DAB1: variants seen among roughly 807,000 people sequenced by gnomAD.
DAB1 encodes disabled homolog 1.
DAB1 carries 15 observed loss-of-function variants against 64.6 expected under a neutral mutation model. The ratio of observed to expected loss-of-function variants is 0.23; its 90% confidence interval spans 0.16 to 0.36. DAB1 has a LOEUF of 0.36. Ranked by LOEUF, DAB1 falls within the 10% of genes least tolerant of loss-of-function variation. DAB1 has a pLI of 1.00. For synonymous variants in DAB1, 235 were observed against 251.9 expected (o/e 0.93, Z 0.64); for missense variants, 596 against 706.7 (o/e 0.84, Z 1.78).
chr1:58,375,706 T>C (rs1456448647), intron 3 of DAB1, among the ~76,000 whole-genome samples: 1 of 141,388 alleles, frequency 7.1e-6, no homozygotes, highest in Non-Finnish European at 1.6e-5. Flanking sequence ...TAAAATGAGT[T>C]AGGGAGGATT....
intron 1 of DAB1, among the ~76,000 whole-genome samples, chr1:57,870,908 A>C (rs2101956277): frequency 6.6e-6 from 1 of 152,312 alleles, no homozygotes; most frequent in East Asian, 1.9e-4. Flanking sequence ...AAGAGTTGAC[A>C]TTGGCAAGGA....
chr1:58,484,049 T>G (rs948332264), intron 3 of DAB1, among the ~76,000 whole-genome samples: 1 of 152,168 alleles, frequency 6.6e-6, no homozygotes, highest in African/African-American at 2.4e-5. Context: ...TCTTTGTGTA[T>G]TCAGTAAAAA....
chr1:57,702,074 T>C lies in DAB1; in HGVS notation n.552-52409A>G, dbSNP rs575645633. Among the ~76,000 whole-genome samples, 11 of 152,252 alleles carry C rather than the reference T, an allele frequency of 7.2e-5. No homozygotes were observed. The South Asian group carries it at 1.0e-3, about 14-fold the overall frequency. ...GCTGCCATTTCTTGAGGACATATGT[T>C]TATGTCTTAGCACTGATGGATTAGT... On this transcript the variant is annotated intron_variant and non_coding_transcript_variant, in intron 6 of 20. Transcript: ENST00000485760.
At chr1:57,189,254 T>G (rs748721731) in intron 2 of DAB1, among the ~76,000 whole-genome samples, 4 of 152,100 alleles carry the variant, frequency 2.6e-5, no homozygotes, top group Admixed American at 6.6e-5. Context: ...ATTTGGAAAA[T>G]CGTATCAATG....
At chr1:57,859,504 A>G (rs1653910528) in intron 1 of DAB1, among the ~76,000 whole-genome samples, 1 of 152,176 alleles carries the variant, frequency 6.6e-6, no homozygotes. Flanking sequence ...TACAGATGAA[A>G]AGGCTGAGGC....
intron 9 of DAB1, among the ~76,000 whole-genome samples, chr1:57,062,228 G>A (rs984169142): frequency 6.6e-6 from 1 of 152,114 alleles, no homozygotes; most frequent in African/African-American, 2.4e-5. Flanking sequence ...TCCTTAATGT[G>A]GTATGCCTCT....
In DAB1 at chr1:57,796,245, T is replaced by C. The variant is rs547004925; in HGVS notation, n.551+87754A>G. On this transcript the variant is annotated intron_variant and non_coding_transcript_variant, in intron 6 of 20. Transcript: ENST00000485760. ...TCTCTGATTTAAAAAATAATAATCC[T>C]GGCTGGGCGCGGTGGCTCACGCCTG... 9.2e-5 allele frequency among the ~76,000 whole-genome samples: 14 copies of C among 152,184 alleles called. No individual in the cohort carries two copies. The East Asian group carries it at 2.7e-3, about 30-fold the overall frequency.
chr1:57,995,786 G>A (rs1299288182), intron 5 of DAB1, among the ~76,000 whole-genome samples: 1 of 151,782 alleles, frequency 6.6e-6, no homozygotes, highest in Non-Finnish European at 1.5e-5. Flanking sequence ...AGGCCAGCAG[G>A]GGTCTTTAAA....
At chr1:58,262,123 A>G (rs552672166) in intron 4 of DAB1, among the ~76,000 whole-genome samples, 1 of 152,314 alleles carries the variant, frequency 6.6e-6, no homozygotes, top group African/African-American at 2.4e-5. Context: ...CAGATAGAAT[A>G]GATAAAGTGA....
chr1:57,772,143 G>A (rs1173379046), intron 6 of DAB1, among the ~76,000 whole-genome samples: 3 of 152,004 alleles, frequency 2.0e-5, no homozygotes, highest in Non-Finnish European at 4.4e-5. Context: ...TATGATTGTA[G>A]GAGTGGGTTT....
chr1:57,474,608 CA>C (rs1453777201), intron 7 of DAB1, among the ~76,000 whole-genome samples: 6 of 151,936 alleles, frequency 3.9e-5, no homozygotes, highest in African/African-American at 1.5e-4. Flanking sequence ...AATATTTAGC[CA>C]AAAAGAAATA....
At chr1:57,541,822 C>T (rs1397054907) in intron 7 of DAB1, among the ~76,000 whole-genome samples, 1 of 152,204 alleles carries the variant, frequency 6.6e-6, no homozygotes, top group East Asian at 1.9e-4. Flanking sequence ...AACATGCTAA[C>T]AGCACCAGTA....
intron 6 of DAB1, among the ~76,000 whole-genome samples, chr1:57,786,184 C>T (rs1044507182): frequency 6.6e-6 from 1 of 152,142 alleles, no homozygotes; most frequent in African/African-American, 2.4e-5. Context: ...TACTTTTGCA[C>T]ACTTAATGGA....
At chr1:57,113,749 C>G (rs557600029) in intron 4 of DAB1, among the ~76,000 whole-genome samples, 1 of 152,306 alleles carries the variant, frequency 6.6e-6, no homozygotes, top group African/African-American at 2.4e-5. Flanking sequence ...TTTGTCAACT[C>G]TGGCTCTAGA....
rs562188524 is a variant in DAB1, at chr1:57,360,724, G to T, written c.-137+63206C>A. Among the ~76,000 whole-genome samples, 8 of 152,200 alleles carry T rather than the reference G, an allele frequency of 5.3e-5. No homozygotes were observed. The South Asian group carries it at 1.7e-3, about 32-fold the overall frequency. On this transcript the variant is annotated intron_variant, in intron 1 of 14. Coordinates refer to ENST00000371236, the MANE Select transcript of DAB1 (RefSeq NM_001365792.1). ...TACAAAAATTGCTTGAGTTTTAAAA[G>T]AAAGAACAATATGCAGACAGAACAC...
intron 5 of DAB1, among the ~76,000 whole-genome samples, chr1:58,125,096 T>G (rs1050533449): frequency 6.6e-6 from 1 of 152,070 alleles, no homozygotes; most frequent in Admixed American, 6.6e-5. Context: ...TAATATAAAA[T>G]GAAGCATTTT....
intron 6 of DAB1, among the ~76,000 whole-genome samples, chr1:57,808,074 A>G (rs573168864): frequency 6.6e-6 from 1 of 152,152 alleles, no homozygotes; most frequent in South Asian, 2.1e-4. Context: ...TTGTTTTTCA[A>G]CTATGTGGTG....
intron 3 of DAB1, among the ~76,000 whole-genome samples, chr1:58,452,655 C>CAAA (rs1245979623): frequency 1.7e-4 from 18 of 105,514 alleles, no homozygotes; most frequent in African/African-American, 4.5e-4. Flanking sequence ...ACAAAAATAC[C>CAAA]AAAAAAAAAA....
intron 2 of DAB1, among the ~76,000 whole-genome samples, chr1:57,160,967 C>A (rs1660688028): frequency 6.6e-6 from 1 of 152,080 alleles, no homozygotes. Flanking sequence ...CAGGTGACGC[C>A]TTTGCTGCAA....
Sources: allele counts gnomAD v4.1 joint callset (sites outside exome capture counted in the v4.1 genomes callset), GRCh38; gene constraint gnomAD v4.1.1; transcripts MANE v1.5; gene names NCBI Gene and HGNC (gene_info 2026-07-23, HGNC 2026-07-21).